Variants in PCDHGA6 observed in about 807,000 individuals in gnomAD.
PCDHGA6 encodes protocadherin gamma subfamily A, 6.
In PCDHGA6, 41 loss-of-function variants were observed where a neutral mutation model predicts 60.6. The observed-to-expected ratio is 0.68, with a 90% confidence interval of 0.53 to 0.88. PCDHGA6 has a LOEUF of 0.88. Ranked by LOEUF, PCDHGA6 falls within the 40% of genes least tolerant of loss-of-function variation. The probability of loss-of-function intolerance (pLI) is 0.00; values close to 1 mark genes in which losing one functional copy is unlikely to be tolerated. For synonymous variants in PCDHGA6, 594 were observed against 524.4 expected, an observed-to-expected ratio of 1.13 and a Z score of -1.81; for missense variants, 1,312 against 1,203.0, an observed-to-expected ratio of 1.09 and a Z score of -1.34.
At chr5:141,415,293 C>T in intron 1 of PCDHGA6, 1 of 1,614,192 alleles carries the variant, frequency 6.2e-7, no homozygotes, top group Non-Finnish European at 8.5e-7. Flanking sequence ...CGGTCTCCTG[C>T]GTCTTCCTGG....
chr5:141,384,533 A>C, intron 1 of PCDHGA6: 2 of 1,614,240 alleles, frequency 1.2e-6, no homozygotes. Flanking sequence ...CTCAGCAGCA[A>C]CATGTCACTG....
intron 1 of PCDHGA6, among the ~76,000 whole-genome samples, chr5:141,434,490 G>A (rs566645029): frequency 2.5e-4 from 38 of 152,274 alleles, no homozygotes; most frequent in Non-Finnish European, 4.9e-4. Flanking sequence ...CACCTGGCCC[G>A]CCCAGGGCAG....
intron 1 of PCDHGA6, chr5:141,383,013 G>T: frequency 6.2e-7 from 1 of 1,613,828 alleles, no homozygotes; most frequent in South Asian, 1.1e-5. Context: ...TGTCGGAGGA[G>T]ACGGACAAAG....
chr5:141,386,109 A>T (rs866004779), intron 1 of PCDHGA6: 1 of 152,246 alleles, frequency 6.6e-6, no homozygotes, highest in Non-Finnish European at 1.5e-5. Context: ...TCTGTGGGCT[A>T]TCAAAGTGGG....
Position 141,374,155 on chromosome 5 carries a change from G to C in PCDHGA6, c.72G>C (p.Trp24Cys). 1 of 1,612,144 alleles carries C rather than the reference G, an allele frequency of 6.2e-7. No homozygotes were observed. The highest frequency in any genetic ancestry group is 8.5e-7 in the Non-Finnish European group (1 of 1,178,872). Residue 24 changes from tryptophan to cysteine, a missense_variant, in exon 1 of 4, where the codon TGG (tryptophan) becomes TGC (cysteine). Trp to Cys is a radical substitution (Grantham distance 215). Transcript: ENST00000517434. ...TCCTCACGCTCCTGGGGACGCTGTG[G>C]GGGGCCGCGGCAGCGCAGATCCGCT... is the stretch of plus-strand genomic sequence containing the variant. ...VLLLTLLGTL[W>C]GAAAAQIRYS...
intron 1 of PCDHGA6, among the ~76,000 whole-genome samples, chr5:141,433,513 C>T (rs2097615953): frequency 6.6e-6 from 1 of 152,066 alleles, no homozygotes; most frequent in Non-Finnish European, 1.5e-5. Flanking sequence ...GGATTACAGG[C>T]GTGAACCACA....
intron 1 of PCDHGA6, among the ~76,000 whole-genome samples, chr5:141,453,360 C>T (rs966238012): frequency 6.6e-6 from 1 of 152,000 alleles, no homozygotes; most frequent in Non-Finnish European, 1.5e-5. Context: ...CCCTGAACTC[C>T]TGGGGTCAAG....
chr5:141,439,709 A>G (rs2098127560), intron 1 of PCDHGA6: 1 of 152,540 alleles, frequency 6.6e-6, no homozygotes, highest in African/African-American at 2.4e-5. Context: ...TATGGCTCCT[A>G]GTTCTACAAA....
chr5:141,377,926 T>C (rs1194396438), intron 1 of PCDHGA6: 1 of 152,186 alleles, frequency 6.6e-6, no homozygotes, highest in Non-Finnish European at 1.5e-5. Flanking sequence ...AATCCACCTG[T>C]AACTGCTGCT....
chr5:141,422,342 TG>T, intron 1 of PCDHGA6: 1 of 1,551,514 alleles, frequency 6.4e-7, no homozygotes. Context: ...CTTCTAAATG[TG>T]CAAGATCAAG....
chr5:141,438,641 C>CAT (rs2098042490), intron 1 of PCDHGA6, among the ~76,000 whole-genome samples: 2 of 79,354 alleles, frequency 2.5e-5, no homozygotes, highest in Non-Finnish European at 4.5e-5. Context: ...TATATACACA[C>CAT]ACACACACAC....
intron 1 of PCDHGA6, chr5:141,398,625 T>C (rs777533974): frequency 6.2e-7 from 1 of 1,614,046 alleles, no homozygotes; most frequent in South Asian, 1.1e-5. Context: ...GCTTAAACTC[T>C]CTGCAGAAGT....
chr5:141,494,749 G>C (rs573811540), intron 1 of PCDHGA6, 58 bp from the exon 2 acceptor site: 3 of 1,612,818 alleles, frequency 1.9e-6, no homozygotes, highest in South Asian at 2.2e-5. Context: ...CTAGGGGCTC[G>C]GGTGACATTC....
At chr5:141,381,657 C>T (rs1224064730) in intron 1 of PCDHGA6, among the ~76,000 whole-genome samples, 5 of 152,134 alleles carry the variant, frequency 3.3e-5, no homozygotes, top group East Asian at 1.9e-4. Context: ...AAATGGGTTG[C>T]TTCTATAGCT....
chr5:141,456,275 G>A (rs1234663731), intron 1 of PCDHGA6, among the ~76,000 whole-genome samples: 1 of 152,142 alleles, frequency 6.6e-6, no homozygotes, highest in Non-Finnish European at 1.5e-5. Flanking sequence ...GCTACTTCCT[G>A]CTGAAAAGGG....
rs539348000 is a variant in PCDHGA6 at position 141,504,908 on chromosome 5, G to A, written c.2484-485G>A. 5.9e-5 allele frequency among the ~76,000 whole-genome samples: 9 copies of A among 152,208 alleles called. No homozygotes were observed. In the East Asian group the frequency reaches 1.7e-3, roughly 29 times the overall value. On this transcript the variant is annotated intron_variant, in intron 2 of 3. Coordinates refer to ENST00000517434, the MANE Select transcript of PCDHGA6 (RefSeq NM_018919.3). Reference sequence around the variant, plus strand: ...AGGTCTGATCTCCCTCACTATGACAGGAAGCCAGGCTCTCTCATGGTGGGT... The same window carrying A: ...AGGTCTGATCTCCCTCACTATGACAAGAAGCCAGGCTCTCTCATGGTGGGT...
Position 141,491,755 on chromosome 5 carries a change from G to T in PCDHGA6, c.2425-3052G>T, listed in dbSNP as rs1402188587. 3 of 1,582,078 alleles carry T rather than the reference G, an allele frequency of 1.9e-6. No individual in the cohort carries two copies. Among genetic ancestry groups the T allele is most frequent in the Non-Finnish European group, 2.6e-6 (3 of 1,165,458 alleles). On this transcript the variant is annotated intron_variant, in intron 1 of 3. Coordinates refer to ENST00000517434, the MANE Select transcript of PCDHGA6 (RefSeq NM_018919.3). This position sits in a 1 kb window ranked among gnomAD's most constrained non-coding sequence, Gnocchi z 6.9. ...CCCTGGGGGCGGCACTGGAGAAGCC[G>T]CCCGTCCTCATAAGGGATTGAACTT...
rs771106873 is a variant in PCDHGA6, at chr5:141,426,860, A to C, written c.2424+50353A>C. 5 of 456,702 alleles carry C rather than the reference A, an allele frequency of 1.1e-5. No individual in the cohort carries two copies. In the Admixed American group the frequency reaches 1.2e-4, roughly 11 times the overall value. The allele number at this position is 456,702 out of a possible 1,614,324, so 28.3% of individuals were successfully genotyped here. A position where few individuals can be genotyped will look rare whatever the true frequency, so the allele number is the denominator to read the frequency against. On this transcript the variant is annotated intron_variant, in intron 1 of 3. Transcript: ENST00000517434. ...CTAAAGGCAAGAACGCTCCAGAATT[A>C]GTGCTGGAGAAGCCCCTGGGCCAGG...
chr5:141,431,405 G>A lies in PCDHGA6; in HGVS notation c.2424+54898G>A, dbSNP rs2097369508. Reference sequence around the variant, plus strand: ...TCACCACCTGGTCCTTACGGCCTCCGACGGGGGCGACCCGGTGCGCACAGG... The same window carrying A: ...TCACCACCTGGTCCTTACGGCCTCCAACGGGGGCGACCCGGTGCGCACAGG... On this transcript the variant is annotated intron_variant, in intron 1 of 3. Transcript: ENST00000517434. The surrounding 1 kb of genome is among the most constrained non-coding windows in gnomAD (Gnocchi z 4.8). 1 of 1,613,614 alleles carries A rather than the reference G, an allele frequency of 6.2e-7. No individual in the cohort carries two copies.
Sources: gnomAD v4.1 joint callset for allele counts (sites outside exome capture counted in the v4.1 genomes callset) on GRCh38, gnomAD v4.1.1 for gene constraint, Gnocchi (gnomAD v3.1) non-coding constraint, MANE v1.5 for transcripts, NCBI Gene and HGNC (gene_info 2026-07-23, HGNC 2026-07-21) for gene names.